The following RRAS2 variants were observed in gnomAD, a reference collection of about 807,000 sequenced individuals.
RRAS2 encodes RAS related 2.
In RRAS2, 7 loss-of-function variants were observed where a neutral mutation model predicts 27.6. The ratio of observed to expected loss-of-function variants is 0.25; its 90% confidence interval spans 0.14 to 0.48. RRAS2 has a LOEUF of 0.48. Among genes scored for constraint, RRAS2 ranks in the 20% least tolerant of loss-of-function variants. The pLI is 0.99. For synonymous variants in RRAS2, 86 were observed against 90.9 expected (o/e 0.95, Z 0.31); for missense variants, 178 against 256.2 (o/e 0.69, Z 2.08).
In RRAS2 at chr11:14,278,698, T is replaced by C. The variant is rs1440477031; in HGVS notation, c.*639A>G. The C allele has an allele frequency of 6.6e-6, 1 of 152,300 alleles. No individual in the cohort carries two copies. Among genetic ancestry groups the C allele is most frequent in the Non-Finnish European group, 1.5e-5 (1 of 68,036 alleles). 9.4% of individuals were successfully genotyped at this position (152,300 alleles called of 1,614,324 possible). A position where few individuals can be genotyped will look rare whatever the true frequency, so the allele number is the denominator to read the frequency against. On this transcript the variant is annotated 3_prime_UTR_variant, in exon 6 of 6. Coordinates refer to ENST00000256196, the MANE Select transcript of RRAS2 (RefSeq NM_012250.6). ...TCTAAGTCCTAAATGAGTCCAAATA[T>C]TTGACCACATAGAATATTATCATCT...
Position 14,327,044 on chromosome 11 carries a change from G to A in RRAS2, c.109-31189C>T. Among the ~76,000 whole-genome samples the A allele has an allele frequency of 1.3e-4, 2 of 14,848 alleles. 1 individual carries two copies. The highest frequency in any genetic ancestry group is 5.8e-4 in the Non-Finnish European group (2 of 3,470). 9.7% of individuals were successfully genotyped at this position (14,848 alleles called of 152,430 possible). On this transcript the variant is annotated intron_variant, in intron 1 of 5. Transcript: ENST00000256196. ...CCACTGCACTCCAGCCTGGGCAACA[G>A]AGCGAGACTCTGTCTCAAAAAAAAA...
chr11:14,289,924 T>TA (rs1849764353), intron 4 of RRAS2, among the ~76,000 whole-genome samples: 1 of 151,958 alleles, frequency 6.6e-6, no homozygotes, highest in Admixed American at 6.6e-5. Flanking sequence ...GTAAAGAAAC[T>TA]ACAAATGATC....
intron 1 of RRAS2, chr11:14,308,222 G>C (rs782528207): frequency 2.3e-6 from 1 of 426,074 alleles, no homozygotes; most frequent in South Asian, 1.7e-5. Context: ...GGTTTAACTG[G>C]GTTGCTAGGA....
chr11:14,360,648 G>A (rs578109805), upstream of RRAS2, among the ~76,000 whole-genome samples: 3 of 152,162 alleles, frequency 2.0e-5, no homozygotes, highest in South Asian at 6.2e-4. Context: ...ATGGCTGGGC[G>A]CAATGGCTCA....
At chr11:14,304,823 G>A (rs1248635581) in intron 1 of RRAS2, among the ~76,000 whole-genome samples, 3 of 152,170 alleles carry the variant, frequency 2.0e-5, no homozygotes, top group African/African-American at 4.8e-5. Flanking sequence ...TCCTCCTTGT[G>A]TCACTTTTTA....
upstream of RRAS2, among the ~76,000 whole-genome samples, chr11:14,359,607 C>CTGGT (rs1377378027): frequency 6.6e-6 from 1 of 152,194 alleles, no homozygotes; most frequent in African/African-American, 2.4e-5. Flanking sequence ...GTGTGATGGG[C>CTGGT]TGGTGGTTGT....
At chr11:14,315,724 T>C (rs1332216864) in intron 1 of RRAS2, among the ~76,000 whole-genome samples, 1 of 152,180 alleles carries the variant, frequency 6.6e-6, no homozygotes, top group Non-Finnish European at 1.5e-5. Flanking sequence ...CTAAAGTTCT[T>C]AAAGTCTACT....
upstream of RRAS2, among the ~76,000 whole-genome samples, chr11:14,361,867 A>C (rs373488210): frequency 1.3e-5 from 2 of 152,230 alleles, no homozygotes; most frequent in Non-Finnish European, 2.9e-5. Flanking sequence ...GATAAACAAA[A>C]AAATGTCGTA....
At chr11:14,348,190 AC>A (rs1359453884) in intron 1 of RRAS2, among the ~76,000 whole-genome samples, 7 of 152,200 alleles carry the variant, frequency 4.6e-5, no homozygotes, top group African/African-American at 1.7e-4. Context: ...CATTAGCATA[AC>A]AAAGTAAAAC....
chr11:14,350,294 G>T (rs1848922998), intron 1 of RRAS2, among the ~76,000 whole-genome samples: 1 of 152,104 alleles, frequency 6.6e-6, no homozygotes, highest in South Asian at 2.1e-4. Context: ...TGGGTCATGG[G>T]GATGAATCCC....
chr11:14,306,679 C>T (rs1440013171), intron 1 of RRAS2, among the ~76,000 whole-genome samples: 2 of 152,108 alleles, frequency 1.3e-5, no homozygotes, highest in Non-Finnish European at 2.9e-5. Context: ...GGCTGTTCTA[C>T]TGGGCTGACT....
At position 14,358,171 on chromosome 11, in the gene RRAS2, A is replaced by G; in HGVS notation, c.108+592T>C. The G allele has an allele frequency of 1.0e-6, 1 of 960,052 alleles. No individual in the cohort carries two copies. Among genetic ancestry groups the G allele is most frequent in the Non-Finnish European group, 1.2e-6 (1 of 806,758 alleles). 59.5% of individuals were successfully genotyped at this position (960,052 alleles called of 1,614,324 possible). ...CTAGAAGCCACCATTTCCCCGGGGC[A>G]TTATCACACACTCCCACCCGGACAT... On this transcript the variant is annotated intron_variant, in intron 1 of 5. Transcript: ENST00000256196. The surrounding 1 kb of genome is among the most constrained non-coding windows in gnomAD (Gnocchi z 5.1).
chr11:14,345,793 A>C (rs1554953981), intron 1 of RRAS2, among the ~76,000 whole-genome samples: 2 of 152,208 alleles, frequency 1.3e-5, no homozygotes, highest in African/African-American at 2.4e-5. Context: ...TGCTACTGAT[A>C]ATCTCCAAGA....
intron 1 of RRAS2, among the ~76,000 whole-genome samples, chr11:14,357,335 A>G (rs942880083): frequency 4.6e-5 from 7 of 151,986 alleles, no homozygotes; most frequent in African/African-American, 1.5e-4. Flanking sequence ...CTAGTCCCCA[A>G]AGGGTTAGCT....
At chr11:14,344,610 G>A (rs188235815) in intron 1 of RRAS2, among the ~76,000 whole-genome samples, 70 of 152,258 alleles carry the variant, frequency 4.6e-4, no homozygotes, top group Admixed American at 3.1e-3. Flanking sequence ...TTTGACTACT[G>A]AAACGTCAAC....
Position 14,358,503 on chromosome 11 carries a change from C to T in RRAS2, c.108+260G>A, listed in dbSNP as rs2075027389. On this transcript the variant is annotated intron_variant, in intron 1 of 5. Transcript: ENST00000256196. The surrounding 1 kb of genome is among the most constrained non-coding windows in gnomAD (Gnocchi z 5.1). ...AGAGCAATAAGGTGGATCGGTGCTT[C>T]CCACCCTTCCAGCTCCGCCCTCCCG... The T allele has an allele frequency of 3.0e-6, 3 of 985,698 alleles. No homozygotes were observed. Among genetic ancestry groups the T allele is most frequent in the Non-Finnish European group, 3.6e-6 (3 of 830,232 alleles). 61.1% of individuals were successfully genotyped at this position (985,698 alleles called of 1,614,324 possible).
At chr11:14,330,047 G>A (rs1554951703) in intron 1 of RRAS2, among the ~76,000 whole-genome samples, 1 of 152,080 alleles carries the variant, frequency 6.6e-6, no homozygotes. Context: ...TGCACCCCAG[G>A]CTGGGCCACA....
chr11:14,307,632 T>C (rs2133979284), intron 1 of RRAS2, among the ~76,000 whole-genome samples: 1 of 152,104 alleles, frequency 6.6e-6, no homozygotes, highest in Non-Finnish European at 1.5e-5. Context: ...CTAACTCCAA[T>C]GCAATACTCC....
chr11:14,356,916 T>G (rs1489808954), intron 1 of RRAS2: 6 of 369,528 alleles, frequency 1.6e-5, no homozygotes, highest in African/African-American at 1.3e-4. Context: ...GCCTCCAGAG[T>G]AGCTGGGACT....
Sources: allele counts gnomAD v4.1 joint callset (sites outside exome capture counted in the v4.1 genomes callset), GRCh38; gene constraint gnomAD v4.1.1; non-coding constraint Gnocchi (gnomAD v3.1); transcripts MANE v1.5; gene names NCBI Gene and HGNC (gene_info 2026-07-23, HGNC 2026-07-21).